Variants in SS18 observed in about 807,000 individuals in gnomAD.
SS18 encodes SS18 subunit of BAF chromatin remodeling complex, also known as protein SSXT.
Under a neutral mutation model 72.5 loss-of-function variants are expected in SS18, and 28 were observed. That is an observed-to-expected ratio of 0.39 (90% CI 0.29 to 0.53). SS18 has a LOEUF of 0.53. Among genes scored for constraint, SS18 ranks in the 20% least tolerant of loss-of-function variants. The pLI is 0.76. For missense variants in SS18, 518 were observed against 535.3 expected, an observed-to-expected ratio of 0.97 and a Z score of 0.32; for synonymous variants, 172 against 164.2, an observed-to-expected ratio of 1.05 and a Z score of -0.37.
chr18:26,038,226 T>C (rs1040683482), intron 7 of SS18, among the ~76,000 whole-genome samples: 4 of 152,156 alleles, frequency 2.6e-5, no homozygotes, highest in Admixed American at 6.5e-5. Context: ...TATATCTTAA[T>C]GAAGCTCTTA....
At chr18:26,023,678 A>AT (rs1456870102) in intron 10 of SS18, 6 of 524,136 alleles carry the variant, frequency 1.1e-5, no homozygotes, top group Non-Finnish European at 2.2e-5. Context: ...CAAAATAAAC[A>AT]TTTTTTTCAG....
intron 2 of SS18, chr18:26,079,054 GC>G (rs1297494754): frequency 6.6e-6 from 1 of 152,180 alleles, no homozygotes; most frequent in African/African-American, 2.4e-5. Context: ...AACAACTTAG[GC>G]CCACTGTGTT....
upstream of SS18, chr18:26,090,635 A>G: frequency 6.7e-7 from 1 of 1,491,698 alleles, no homozygotes; most frequent in Non-Finnish European, 9.1e-7. Flanking sequence ...TGGGGGAGAG[A>G]CGCCGGCCTC....
At position 26,035,900 on chromosome 18, in the gene SS18, G is replaced by C. The variant is rs1245390946; in HGVS notation, c.904C>G (p.Gln302Glu). ...PDGHNDYGYQQPSYPEQGYDR... is the reference protein window; with the variant it reads ...PDGHNDYGYQEPSYPEQGYDR... ...TAGCCTTGTTCAGGATACGACGGTT[G>C]CTGATAACCGTAATCATTATGACCT... is the stretch of plus-strand genomic sequence containing the variant. Residue 302 changes from glutamine (Q) to glutamate (E), a missense_variant, in exon 8 of 11, where the codon CAA becomes GAA. Physicochemically the swap from Gln to Glu is conservative, Grantham distance 29. Coordinates refer to ENST00000415083, the MANE Select transcript of SS18 (RefSeq NM_001007559.3). The surrounding 1 kb of genome is among the most constrained non-coding windows in gnomAD (Gnocchi z 4.4). 1.2e-6 allele frequency: 2 copies of C among 1,600,040 alleles called. No homozygotes were observed. The highest frequency in any genetic ancestry group is 1.7e-6 in the Non-Finnish European group (2 of 1,171,588).
chr18:26,032,197 T>C (rs2053555117), intron 10 of SS18, among the ~76,000 whole-genome samples: 2 of 152,118 alleles, frequency 1.3e-5, no homozygotes, highest in Non-Finnish European at 2.9e-5. Flanking sequence ...CCATGTTTTA[T>C]ATGATAGAGT....
At chr18:26,049,667 C>G (rs1255949141) in intron 5 of SS18, among the ~76,000 whole-genome samples, 1 of 152,116 alleles carries the variant, frequency 6.6e-6, no homozygotes, top group Non-Finnish European at 1.5e-5. Context: ...CAAGCTACCA[C>G]GCCCAGCTAA....
intron 3 of SS18, among the ~76,000 whole-genome samples, chr18:26,061,860 G>GA (rs1221516542): frequency 1.3e-5 from 2 of 152,174 alleles, no homozygotes; most frequent in Non-Finnish European, 2.9e-5. Flanking sequence ...AAGAGGAATG[G>GA]AAAAGTATAT....
intron 9 of SS18, among the ~76,000 whole-genome samples, chr18:26,034,013 GAAA>G (rs1028422731): frequency 2.0e-5 from 3 of 150,990 alleles, no homozygotes; most frequent in African/African-American, 7.4e-5. Context: ...CTTTATGAAA[GAAA>G]AAAAATCCAT....
At position 26,087,494 on chromosome 18, in the gene SS18, A is replaced by G. The variant is rs375125313; in HGVS notation, c.146+7T>C. On this transcript the variant is annotated splice_region_variant and intron_variant, in intron 2 of 10. Transcript: ENST00000415083. Reference sequence around the variant, plus strand: ...TGAATAAAAAAAAAGTTTCTTATCAATCTTACTGAGAACACTCTGAGGTCT... The same window carrying G: ...TGAATAAAAAAAAAGTTTCTTATCAGTCTTACTGAGAACACTCTGAGGTCT... The G allele has an allele frequency of 5.2e-6, 8 of 1,546,082 alleles. No homozygotes were observed. The African/African-American group carries it at 6.9e-5, about 13-fold the overall frequency.
At chr18:26,055,626 T>C (rs1288771910) in intron 4 of SS18, among the ~76,000 whole-genome samples, 2 of 152,148 alleles carry the variant, frequency 1.3e-5, no homozygotes, top group Non-Finnish European at 2.9e-5. Flanking sequence ...GATGCAAATT[T>C]GTGTGCATAA....
chr18:26,071,366 A>G (rs2054307256), intron 3 of SS18, among the ~76,000 whole-genome samples: 1 of 152,238 alleles, frequency 6.6e-6, no homozygotes, highest in Non-Finnish European at 1.5e-5. Context: ...ATCCTAGACA[A>G]AGCAAAACTC....
intron 4 of SS18, among the ~76,000 whole-genome samples, chr18:26,055,750 T>C (rs759439252): frequency 9.4e-5 from 14 of 148,174 alleles, no homozygotes; most frequent in Non-Finnish European, 1.8e-4. Context: ...AAATTCTTTC[T>C]GTTTTTTTTT....
intron 6 of SS18, 101 bp from the exon 7 acceptor site, chr18:26,038,760 A>G (rs904751040): frequency 1.0e-5 from 11 of 1,104,056 alleles, no homozygotes; most frequent in African/African-American, 1.6e-5. Flanking sequence ...TCTCAACTAT[A>G]GATTCCCATC....
intron 1 of SS18, among the ~76,000 whole-genome samples, chr18:26,087,924 C>A (rs1189311276): frequency 6.6e-6 from 1 of 152,102 alleles, no homozygotes; most frequent in Non-Finnish European, 1.5e-5. Flanking sequence ...CTGTTTAAAT[C>A]TCTTGTAAAA....
intron 10 of SS18, among the ~76,000 whole-genome samples, chr18:26,020,335 G>A (rs1392689988): frequency 6.6e-6 from 1 of 152,104 alleles, no homozygotes; most frequent in Non-Finnish European, 1.5e-5. Flanking sequence ...GCTTAAATAG[G>A]AGAGGACATG....
At chr18:26,084,754 A>G (rs2054587643) in intron 2 of SS18, among the ~76,000 whole-genome samples, 1 of 152,184 alleles carries the variant, frequency 6.6e-6, no homozygotes, top group African/African-American at 2.4e-5. Context: ...ACTATTCAAT[A>G]ATGTCAAAAT....
At chr18:26,085,996 CCA>C in intron 2 of SS18, 1 of 151,984 alleles carries the variant, frequency 6.6e-6, no homozygotes, top group African/African-American at 2.4e-5. Context: ...CCCTCAGTAT[CCA>C]CAGATTCCAC....
chr18:26,038,432 T>C (rs2053662611), intron 7 of SS18, 123 bp downstream of exon 7: 10 of 844,760 alleles, frequency 1.2e-5, no homozygotes, highest in South Asian at 3.1e-5. Context: ...TACTGAAGTG[T>C]TTCAAAATTT....
chr18:26,059,870 A>G (rs1344037738), intron 3 of SS18, among the ~76,000 whole-genome samples: 2 of 152,266 alleles, frequency 1.3e-5, no homozygotes, highest in African/African-American at 4.8e-5. Context: ...GATAGCTGCA[A>G]TAACATAAAA....
Sources: allele counts gnomAD v4.1 joint callset (sites outside exome capture counted in the v4.1 genomes callset), GRCh38; gene constraint gnomAD v4.1.1; non-coding constraint Gnocchi (gnomAD v3.1); transcripts MANE v1.5; gene names NCBI Gene and HGNC (gene_info 2026-07-23, HGNC 2026-07-21).